The following DYNLT3 variants were observed in gnomAD, a reference collection of about 807,000 sequenced individuals.
The protein encoded by DYNLT3 is dynein light chain Tctex-type 3.
In DYNLT3, 4 loss-of-function variants were observed where a neutral mutation model predicts 11.0. The ratio of observed to expected loss-of-function variants is 0.36; its 90% confidence interval spans 0.18 to 0.83. The LOEUF (loss-of-function observed/expected upper bound fraction) is 0.83. DYNLT3 is among the 40% of genes least tolerant of loss of function. The pLI is 0.47. For missense variants in DYNLT3, 91 were observed against 91.1 expected (o/e 1.00, Z 0.01); for synonymous variants, 37 against 31.2 (o/e 1.18, Z -0.61).
intron 2 of DYNLT3, 36 bp downstream of exon 2, chrX:37,846,281 C>T: frequency 8.4e-7 from 1 of 1,192,499 alleles, no homozygotes; most frequent in Non-Finnish European, 1.1e-6. Flanking sequence ...TCCACCAGTG[C>T]AGCAAGCTTC....
At chrX:37,842,677 C>A (rs1000210049) in intron 2 of DYNLT3, among the ~76,000 whole-genome samples, 1 of 111,746 alleles carries the variant, frequency 8.9e-6, no homozygotes, top group East Asian at 2.8e-4. Flanking sequence ...AGTGACTTAA[C>A]CCCTTCAAAT....
chrX:37,841,198 A>T, intron 3 of DYNLT3, 93 bp from the exon 4 acceptor site: 1 of 698,723 alleles, frequency 1.4e-6, no homozygotes, highest in Non-Finnish European at 2.1e-6. Context: ...ACAAGCCGAA[A>T]ACAAGACAAA....
At chrX:37,842,689 C>T (rs1356243837) in intron 2 of DYNLT3, among the ~76,000 whole-genome samples, 1 of 111,516 alleles carries the variant, frequency 9.0e-6, no homozygotes, top group Non-Finnish European at 1.9e-5. Context: ...CCTTCAAATC[C>T]CTATTTTCCT....
chrX:37,841,755 C>G (rs375297123), intron 3 of DYNLT3, 27 bp downstream of exon 3: 4 of 1,134,255 alleles, frequency 3.5e-6, no homozygotes, highest in Non-Finnish European at 3.5e-6. Flanking sequence ...AGCAAGTGAA[C>G]TAGTGAGGAA....
At chrX:37,845,572 T>G (rs1349069290) in intron 2 of DYNLT3, among the ~76,000 whole-genome samples, 1 of 112,881 alleles carries the variant, frequency 8.9e-6, no homozygotes, top group Non-Finnish European at 1.9e-5. Flanking sequence ...AAGGCAGATA[T>G]TTCTAGGGCT....
Position 37,840,451 on chromosome X carries a change from G to T in DYNLT3, c.*124C>A. 4.0e-6 allele frequency: 2 copies of T among 505,139 alleles called. No individual in the cohort carries two copies. Among genetic ancestry groups the T allele is most frequent in the South Asian group, 6.6e-5 (1 of 15,247 alleles). 41.6% of individuals were successfully genotyped at this position (505,139 alleles called of 1,213,427 possible). A position where few individuals can be genotyped will look rare whatever the true frequency, so the allele number is the denominator to read the frequency against. ...TTGCTTATAATATTCAGTTTTTGTT[G>T]ATAGCTTTAAAGCATATTGCACGCT... On this transcript the variant is annotated 3_prime_UTR_variant, in exon 5 of 5. Coordinates refer to ENST00000378578, the MANE Select transcript of DYNLT3 (RefSeq NM_006520.3).
In DYNLT3 at chrX:37,840,645, C is replaced by G. The variant is rs1306666018; in HGVS notation, c.281G>C (p.Cys94Ser). The G allele has an allele frequency of 1.7e-6, 2 of 1,195,507 alleles. No individual in the cohort carries two copies. The highest frequency in any genetic ancestry group is 3.7e-5 in the South Asian group (2 of 53,710). Residue 94 changes from cysteine to serine, a missense_variant, in exon 5 of 5, where the codon TGT becomes TCT. Transcript: ENST00000378578. ...GGTCCGGTTCTCCCATCTTACGGTA[C>G]AGGTTCCTGAAACACAAAAAAAGGA... is the stretch of plus-strand genomic sequence containing the variant. ...CFWDTTSDGT[C>S]TVRWENRTMN...
chrX:37,842,376 C>T (rs1197897888), intron 2 of DYNLT3, among the ~76,000 whole-genome samples: 1 of 111,386 alleles, frequency 9.0e-6, no homozygotes, highest in Non-Finnish European at 1.9e-5. Flanking sequence ...AAACATAATT[C>T]TTATGTATAC....
At chrX:37,846,441 G>C (rs1485464346) in intron 1 of DYNLT3, 83 bp from the exon 2 acceptor site, 23 of 1,008,097 alleles carry the variant, frequency 2.3e-5, no homozygotes, top group Non-Finnish European at 2.7e-5. Flanking sequence ...GGCTGGCCTA[G>C]ACAGGTGTTA....
chrX:37,846,981 G>T (rs952602523), intron 1 of DYNLT3: 37 of 1,161,854 alleles, frequency 3.2e-5, no homozygotes, highest in Non-Finnish European at 4.0e-5. Flanking sequence ...GAAAGCCTGA[G>T]TCAGTAAGCA....
rs1294689894 is a variant in DYNLT3 at position 37,841,248 on chromosome X, A to T, written c.197-143T>A. On this transcript the variant is annotated intron_variant, in intron 3 of 4. Transcript: ENST00000378578. ...ACAAAAAACAGAAAACAAAGCGTTCAGCAAATAGATTGAAAAAAAAATAAA... is the reference window on the plus strand; with the variant it reads ...ACAAAAAACAGAAAACAAAGCGTTCTGCAAATAGATTGAAAAAAAAATAAA... The T allele has an allele frequency of 9.4e-6, 4 of 423,854 alleles. No individual in the cohort carries two copies. In the African/African-American group the frequency reaches 1.0e-4, roughly 11 times the overall value. The allele number at this position is 423,854 out of a possible 1,213,427, so 34.9% of individuals were successfully genotyped here. A position where few individuals can be genotyped will look rare whatever the true frequency, so the allele number is the denominator to read the frequency against.
chrX:37,839,839 T>C lies in DYNLT3; in HGVS notation c.*736A>G, dbSNP rs1365596488. ...ACATATGCCCATAATAGGCATCTGA[T>C]AAATGTTTGTTCCACATGGAATGAG... On this transcript the variant is annotated 3_prime_UTR_variant, in exon 5 of 5. Coordinates refer to ENST00000378578, the MANE Select transcript of DYNLT3 (RefSeq NM_006520.3). The C allele has an allele frequency of 8.9e-6, 1 of 112,532 alleles. No individual in the cohort carries two copies. Among genetic ancestry groups the C allele is most frequent in the Non-Finnish European group, 1.9e-5 (1 of 53,227 alleles). 9.3% of individuals were successfully genotyped at this position (112,532 alleles called of 1,213,427 possible).
intron 2 of DYNLT3, among the ~76,000 whole-genome samples, chrX:37,842,942 G>C (rs1318707465): frequency 9.0e-6 from 1 of 111,512 alleles, no homozygotes; most frequent in East Asian, 2.8e-4. Context: ...ACTATCATTA[G>C]ACTCATTTAA....
At position 37,841,023 on chromosome X, in the gene DYNLT3, C is replaced by G; in HGVS notation, c.274+5G>C. ...TTTTGTGTAAATCAGCTTAAGATCTCTTACCATCAGATGTGGTATCCCAAA... is the reference window on the plus strand; with the variant it reads ...TTTTGTGTAAATCAGCTTAAGATCTGTTACCATCAGATGTGGTATCCCAAA... On this transcript the variant is annotated splice_donor_5th_base_variant and intron_variant, in intron 4 of 4. Coordinates refer to ENST00000378578, the MANE Select transcript of DYNLT3 (RefSeq NM_006520.3). The G allele has an allele frequency of 8.3e-7, 1 of 1,209,478 alleles. No homozygotes were observed. The highest frequency in any genetic ancestry group is 1.1e-6 in the Non-Finnish European group (1 of 894,278).
intron 2 of DYNLT3, among the ~76,000 whole-genome samples, chrX:37,844,719 G>A (rs955917779): frequency 1.8e-5 from 2 of 111,598 alleles, no homozygotes; most frequent in Non-Finnish European, 3.8e-5. Context: ...GATAACCATT[G>A]TTCTAACATC....
At chrX:37,843,858 T>C (rs1930217517) in intron 2 of DYNLT3, among the ~76,000 whole-genome samples, 1 of 111,547 alleles carries the variant, frequency 9.0e-6, no homozygotes, top group Admixed American at 9.5e-5. Context: ...TGTAATCATC[T>C]AGGAAGTGCT....
intron 2 of DYNLT3, among the ~76,000 whole-genome samples, chrX:37,844,094 G>A (rs1023286001): frequency 4.5e-5 from 5 of 111,845 alleles, no homozygotes; most frequent in Non-Finnish European, 7.5e-5. Flanking sequence ...ATTCAAAAAT[G>A]TTTTCAGTTA....
At chrX:37,841,638 A>C in intron 3 of DYNLT3, 144 bp downstream of exon 3, 2 of 601,683 alleles carry the variant, frequency 3.3e-6, no homozygotes, top group Non-Finnish European at 4.5e-6. Context: ...ATTATAGATT[A>C]TCTTTGAATG....
At chrX:37,847,343 C>A (rs1930285138) in intron 1 of DYNLT3, 138 bp downstream of exon 1, 1 of 918,648 alleles carries the variant, frequency 1.1e-6, no homozygotes. Flanking sequence ...GATCCCGGGC[C>A]CAGGGGAGAG....
Sources: gnomAD v4.1 joint callset for allele counts (sites outside exome capture counted in the v4.1 genomes callset) on GRCh38, gnomAD v4.1.1 for gene constraint, MANE v1.5 for transcripts, NCBI Gene and HGNC (gene_info 2026-07-23, HGNC 2026-07-21) for gene names.